Variants in N4BP2L2 observed in about 807,000 individuals in gnomAD.
N4BP2L2 encodes the protein NEDD4-binding protein 2-like 2.
In N4BP2L2, 50 loss-of-function variants were observed where a neutral mutation model predicts 56.2. The ratio of observed to expected loss-of-function variants is 0.89; its 90% CI spans 0.71 to 1.13. The LOEUF (loss-of-function observed/expected upper bound fraction) is 1.13. N4BP2L2 is among the 50% of genes most tolerant of loss of function. The pLI is 0.00. For synonymous variants in N4BP2L2, 203 were observed against 223.6 expected, an observed-to-expected ratio of 0.91 and a Z score of 0.82; for missense variants, 689 against 693.8, an observed-to-expected ratio of 0.99 and a Z score of 0.08.
intron 9 of N4BP2L2, among the ~76,000 whole-genome samples, chr13:32,435,073 T>C (rs61347209): frequency 0.057 from 8,740 of 152,146 alleles, 852 homozygotes; most frequent in African/African-American, 0.2. Flanking sequence ...CTCACTATAA[T>C]CTAACTTCAG....
intron 6 of N4BP2L2, among the ~76,000 whole-genome samples, chr13:32,447,228 T>C (rs2077178699): frequency 6.6e-6 from 1 of 152,144 alleles, no homozygotes; most frequent in Non-Finnish European, 1.5e-5. Context: ...CTCTCCTTTC[T>C]CTGGATCAAA....
chr13:32,434,806 C>T (rs996359095), intron 9 of N4BP2L2, among the ~76,000 whole-genome samples: 2 of 152,126 alleles, frequency 1.3e-5, no homozygotes, highest in South Asian at 4.1e-4. Context: ...AGCTATAGCA[C>T]TCATAAAATT....
chr13:32,437,725 G>T (rs2075689979), intron 8 of N4BP2L2, among the ~76,000 whole-genome samples: 1 of 152,202 alleles, frequency 6.6e-6, no homozygotes, highest in Non-Finnish European at 1.5e-5. Flanking sequence ...TAATGGGTAA[G>T]ACTGAGGGCC....
chr13:32,518,025 G>T, intron 5 of N4BP2L2, 22 bp from the exon 6 acceptor site: 1 of 1,607,248 alleles, frequency 6.2e-7, no homozygotes, highest in South Asian at 1.1e-5. Context: ...GAAAAGGATT[G>T]TAAATCTTTG....
intron 5 of N4BP2L2, among the ~76,000 whole-genome samples, chr13:32,518,888 A>G (rs1056556947): frequency 6.6e-6 from 1 of 152,150 alleles, no homozygotes; most frequent in Non-Finnish European, 1.5e-5. Context: ...GTGGTTTAAA[A>G]TTTATTCTGG....
At chr13:32,488,225 G>A (rs974715562) in intron 6 of N4BP2L2, among the ~76,000 whole-genome samples, 7 of 152,178 alleles carry the variant, frequency 4.6e-5, no homozygotes, top group African/African-American at 1.7e-4. Flanking sequence ...ATACTAGGCA[G>A]CCATAAAAAG....
intron 7 of N4BP2L2, among the ~76,000 whole-genome samples, chr13:32,441,863 G>A (rs2076417368): frequency 6.7e-6 from 1 of 149,282 alleles, no homozygotes; most frequent in Non-Finnish European, 1.5e-5. Context: ...CTAACATGGT[G>A]AAACCTCGTC....
rs1212557448 is a variant in N4BP2L2, at chr13:32,520,583, T to C, written c.1550+790A>G. On this transcript the variant is annotated intron_variant, in intron 5 of 5. Transcript: ENST00000267068. Reference sequence around the variant, plus strand: ...CTGAGGCAGGAGAATGGCATGAACCTGGGAGGCGGAGCTTGCAGTGAGCTG... The same window carrying C: ...CTGAGGCAGGAGAATGGCATGAACCCGGGAGGCGGAGCTTGCAGTGAGCTG... Among the ~76,000 whole-genome samples the C allele has an allele frequency of 2.0e-5, 3 of 149,578 alleles. No homozygotes were observed. The East Asian group carries it at 5.9e-4, about 30-fold the overall frequency.
rs868141393 is a variant in N4BP2L2, at chr13:32,451,054, C to A, written c.366-6928G>T. Among the ~76,000 whole-genome samples the A allele has an allele frequency of 9.1e-3, 1,384 of 152,058 alleles. 27 individuals are homozygous for A. Among genetic ancestry groups the A allele is most frequent in the African/African-American group, 0.032 (1,331 of 41,470 alleles). On this transcript the variant is annotated intron_variant, in intron 6 of 9. Coordinates refer to the N4BP2L2 transcript ENST00000357505. ...TTAAAGGGATATTTGCATAAACATT[C>A]ACATTAAAAAGGAAAGACACAAAAT...
chr13:32,458,686 A>G (rs990587062), intron 6 of N4BP2L2, among the ~76,000 whole-genome samples: 2 of 152,230 alleles, frequency 1.3e-5, no homozygotes, highest in African/African-American at 4.8e-5. Context: ...GAACAATAAT[A>G]TTATAGTTGG....
At chr13:32,538,199 A>G (rs1417933361) in intron 1 of N4BP2L2, among the ~76,000 whole-genome samples, 1 of 152,152 alleles carries the variant, frequency 6.6e-6, no homozygotes, top group Non-Finnish European at 1.5e-5. Context: ...AGAGAAATGG[A>G]CAAAAAGGCG....
rs57077505 is a variant in N4BP2L2 at position 32,521,608 on chromosome 13, T to C, written c.1474-159A>G. The stretch of plus-strand genomic sequence containing the variant: ...ATATGGTTTATAACAGTTAAGACTA[T>C]TTAACCGGATAAATTTTGATTACTA... On this transcript the variant is annotated intron_variant, in intron 4 of 5. Coordinates refer to ENST00000267068, the Ensembl canonical transcript of N4BP2L2. The C allele has an allele frequency of 9.9e-3, 5,151 of 518,352 alleles. 217 individuals are homozygous for C. The highest frequency in any genetic ancestry group is 0.089 in the African/African-American group (4,413 of 49,432). 32.1% of individuals were successfully genotyped at this position (518,352 alleles called of 1,614,324 possible).
exon 6 of N4BP2L2, chr13:32,517,533 A>G (rs1000143571): frequency 3.5e-6 from 4 of 1,153,226 alleles, no homozygotes; most frequent in African/African-American, 3.2e-5. Flanking sequence ...GTAGAAAAAC[A>G]TCCTAGCTCC....
chr13:32,500,718 A>C (rs1297278794), intron 6 of N4BP2L2, among the ~76,000 whole-genome samples: 1 of 120,706 alleles, frequency 8.3e-6, no homozygotes, highest in African/African-American at 3.2e-5. Context: ...ACCGTGTCTC[A>C]AAAAAAAAAA....
exon 7 of N4BP2L2, chr13:32,442,801 A>T (rs759028856): frequency 6.2e-7 from 1 of 1,613,844 alleles, no homozygotes. Context: ...GTTAAATGAC[A>T]GGCAATGAGA....
exon 7 of N4BP2L2, chr13:32,442,623 T>C (rs1457320694): frequency 6.2e-7 from 1 of 1,613,926 alleles, no homozygotes; most frequent in Non-Finnish European, 8.5e-7. Context: ...GTAAAATTTC[T>C]GGAGAAATAA....
intron 3 of N4BP2L2, 70 bp from the exon 4 acceptor site, chr13:32,522,340 T>C (rs915962169): frequency 4.8e-6 from 5 of 1,051,222 alleles, no homozygotes; most frequent in Non-Finnish European, 6.8e-6. Context: ...TAAACATTTA[T>C]TATTAAGAAA....
chr13:32,536,828 T>C, exon 2 of N4BP2L2: 1 of 1,614,056 alleles, frequency 6.2e-7, no homozygotes, highest in Non-Finnish European at 8.5e-7. Context: ...CTCCTGCAAA[T>C]AACTATGTCC....
chr13:32,485,188 G>A (rs115802754), intron 6 of N4BP2L2, among the ~76,000 whole-genome samples: 154 of 151,974 alleles, frequency 1.0e-3, no homozygotes, highest in African/African-American at 3.7e-3. Flanking sequence ...TATTATTCTT[G>A]TCAAATAAGA....
Sources: gnomAD v4.1 joint callset for allele counts (sites outside exome capture counted in the v4.1 genomes callset) on GRCh38, gnomAD v4.1.1 for gene constraint, MANE v1.5 for transcripts, NCBI Gene and HGNC (gene_info 2026-07-23, HGNC 2026-07-21) for gene names.